Variants in RASEF observed in about 807,000 individuals in gnomAD.
The protein encoded by RASEF is RAS and EF-hand domain containing.
A neutral mutation model predicts 90.1 loss-of-function variants in RASEF; 68 were observed. That is an observed-to-expected ratio of 0.75 (90% CI 0.62 to 0.92). The LOEUF is 0.92. RASEF is among the 40% of genes least tolerant of loss of function. The pLI, the probability that RASEF is intolerant of heterozygous loss-of-function variation, is 0.00. For missense variants in RASEF, 949 were observed against 937.2 expected (o/e 1.01, Z -0.16); for synonymous variants, 331 against 345.2 (o/e 0.96, Z 0.46).
chr9:83,164,492 G>C, the RASEF span, among the ~76,000 whole-genome samples: 1 of 149,408 alleles, frequency 6.7e-6, no homozygotes, highest in Admixed American at 6.7e-5. Flanking sequence ...TTTTGAAGGT[G>C]GACATGGATT....
the RASEF span, among the ~76,000 whole-genome samples, chr9:83,136,745 T>C: frequency 6.6e-6 from 1 of 152,148 alleles, no homozygotes; most frequent in African/African-American, 2.4e-5. Context: ...TTGTATTACA[T>C]ATCTATTATG....
At chr9:83,186,850 T>C in the RASEF span, among the ~76,000 whole-genome samples, 3 of 152,026 alleles carry the variant, frequency 2.0e-5, no homozygotes, top group Admixed American at 1.3e-4. Context: ...TGTTTTGACA[T>C]CTTAAAAAAA....
At chr9:83,094,284 C>T in the RASEF span, among the ~76,000 whole-genome samples, 1 of 151,036 alleles carries the variant, frequency 6.6e-6, no homozygotes, top group East Asian at 1.9e-4. Context: ...ATATGAAATA[C>T]CCACAACATT....
chr9:83,183,491 T>C, the RASEF span, among the ~76,000 whole-genome samples: 2 of 152,172 alleles, frequency 1.3e-5, no homozygotes, highest in Non-Finnish European at 2.9e-5. Flanking sequence ...CTGGAATACT[T>C]TTGGTATGAA....
At chr9:83,168,689 A>T in the RASEF span, among the ~76,000 whole-genome samples, 18 of 152,190 alleles carry the variant, frequency 1.2e-4, no homozygotes, top group African/African-American at 4.1e-4. Context: ...AGGCATACAC[A>T]TGCTATCAGG....
the RASEF span, among the ~76,000 whole-genome samples, chr9:83,180,093 A>G: frequency 3.3e-5 from 5 of 152,296 alleles, no homozygotes; most frequent in African/African-American, 1.2e-4. Flanking sequence ...CTGTTTATAT[A>G]ACTTAAATTT....
rs1829537107 is a variant in RASEF at position 83,025,840 on chromosome 9, C to T, written c.513G>A (p.Lys171=). The T allele has an allele frequency of 6.2e-7, 1 of 1,613,996 alleles. No homozygotes were observed. Among genetic ancestry groups the T allele is most frequent in the Non-Finnish European group, 8.5e-7 (1 of 1,179,950 alleles). Residue 171 remains lysine, a synonymous_variant, in exon 2 of 17, where the codon AAG becomes AAA. Coordinates refer to ENST00000376447, the MANE Select transcript of RASEF (RefSeq NM_152573.4). ...RLIQPYEHVI[K]NFIREIRLQS... The stretch of plus-strand genomic sequence containing the variant: ...GAAGTCTGATCTCACGGATGAAGTT[C>T]TTTATAACATGTTCATATGGCTGAA...
In RASEF at chr9:83,062,607, A is replaced by G. The variant is rs907716696; in HGVS notation, c.261T>C (p.Asp87=). The change falls in exon 1 of 17, where the codon GAT becomes GAC. Residue 87 remains aspartate (D), a synonymous_variant. Coordinates refer to ENST00000376447, the MANE Select transcript of RASEF (RefSeq NM_152573.4). ...CCGCCTCAGACACGGCGGGCGCGGG[A>G]TCCAGAGGACCCCAGTCCCGGCGCC... ...GGRRRDWGPL[D]PAPAVSEAGP... The G allele has an allele frequency of 1.3e-6, 2 of 1,563,128 alleles. No individual in the cohort carries two copies. The highest frequency in any genetic ancestry group is 2.7e-5 in the African/African-American group (2 of 73,592).
At chr9:83,131,862 T>C in the RASEF span, among the ~76,000 whole-genome samples, 43 of 152,312 alleles carry the variant, frequency 2.8e-4, no homozygotes, top group East Asian at 8.3e-3. Context: ...CTACAGAATT[T>C]GTAAAGACAA....
chr9:83,105,236 C>T, the RASEF span, among the ~76,000 whole-genome samples: 5 of 152,144 alleles, frequency 3.3e-5, no homozygotes, highest in Admixed American at 1.3e-4. Context: ...TTTGAAATAT[C>T]TGCTACCTCT....
At chr9:83,016,588 C>T (rs1403762098) in intron 3 of RASEF, among the ~76,000 whole-genome samples, 4 of 152,066 alleles carry the variant, frequency 2.6e-5, no homozygotes, top group African/African-American at 9.7e-5. Context: ...TACAAATATT[C>T]GCTTATCACC....
At chr9:83,019,982 A>G (rs772026763) in intron 3 of RASEF, among the ~76,000 whole-genome samples, 2 of 152,188 alleles carry the variant, frequency 1.3e-5, no homozygotes, top group Non-Finnish European at 2.9e-5. Context: ...TCGAGGGTGG[A>G]TAGTTATGCC....
chr9:83,127,057 A>G, the RASEF span, among the ~76,000 whole-genome samples: 3 of 152,214 alleles, frequency 2.0e-5, no homozygotes. Flanking sequence ...AAAACCAACT[A>G]TCTTCATCTA....
the RASEF span, among the ~76,000 whole-genome samples, chr9:83,093,829 G>A: frequency 5.3e-5 from 8 of 152,368 alleles, no homozygotes; most frequent in South Asian, 8.3e-4. Context: ...CGCCGAGAGC[G>A]AGCGAGGGGT....
chr9:83,115,542 T>C, the RASEF span, among the ~76,000 whole-genome samples: 249 of 152,316 alleles, frequency 1.6e-3, 1 homozygote, highest in African/African-American at 5.7e-3. Context: ...AATGGGCATT[T>C]TCTTCTCTTC....
At chr9:83,055,266 G>A (rs1481025726) in intron 1 of RASEF, 14 of 317,476 alleles carry the variant, frequency 4.4e-5, no homozygotes, top group African/African-American at 1.6e-4. Context: ...TTCTTAAGCC[G>A]GTCTGAAAAG....
At chr9:83,144,227 G>C in the RASEF span, among the ~76,000 whole-genome samples, 1 of 150,580 alleles carries the variant, frequency 6.6e-6, no homozygotes, top group South Asian at 2.1e-4. Flanking sequence ...TATCTATTGG[G>C]TACCACTCTC....
intron 1 of RASEF, among the ~76,000 whole-genome samples, chr9:83,028,754 C>T (rs1472329783): frequency 6.6e-6 from 1 of 152,136 alleles, no homozygotes; most frequent in Non-Finnish European, 1.5e-5. Flanking sequence ...CAAATGCTCA[C>T]CACAACATCA....
chr9:83,176,008 T>C, the RASEF span, among the ~76,000 whole-genome samples: 2 of 152,228 alleles, frequency 1.3e-5, no homozygotes, highest in African/African-American at 4.8e-5. Flanking sequence ...GAATGTTCTA[T>C]AGATGTACGT....
Sources: gnomAD v4.1 joint callset for allele counts (sites outside exome capture counted in the v4.1 genomes callset) on GRCh38, gnomAD v4.1.1 for gene constraint, MANE v1.5 for transcripts, NCBI Gene and HGNC (gene_info 2026-07-23, HGNC 2026-07-21) for gene names.